The following CSMD1 variants were observed in gnomAD, a reference collection of about 807,000 sequenced individuals.
The protein encoded by CSMD1 is CUB and Sushi multiple domains 1.
A neutral mutation model predicts 417.5 loss-of-function variants in CSMD1; 213 were observed. The observed-to-expected ratio is 0.51, with a 90% CI of 0.46 to 0.57. CSMD1 has a LOEUF of 0.57. Ranked by LOEUF, CSMD1 falls within the 20% of genes least tolerant of loss-of-function variation. The pLI is 0.00. For synonymous variants in CSMD1, 2,862 were observed against 1,736.8 expected (o/e 1.65, Z -16.11); for missense variants, 6,923 against 4,529.7 (o/e 1.53, Z -15.17).
chr8:4,823,631 T>C (rs944566976), intron 1 of CSMD1, among the ~76,000 whole-genome samples: 1 of 152,020 alleles, frequency 6.6e-6, no homozygotes, highest in Admixed American at 6.6e-5. Context: ...CTACTACACA[T>C]AGCCTTTAGA....
intron 7 of CSMD1, among the ~76,000 whole-genome samples, chr8:3,706,017 G>A (rs1224853056): frequency 6.6e-6 from 1 of 152,232 alleles, no homozygotes; most frequent in Admixed American, 6.5e-5. Context: ...GATTCATGAG[G>A]TGCTGAAGAG....
chr8:4,419,443 A>G (rs1435881378), intron 3 of CSMD1, among the ~76,000 whole-genome samples: 1 of 152,198 alleles, frequency 6.6e-6, no homozygotes, highest in Non-Finnish European at 1.5e-5. Context: ...ATCTAGGCAC[A>G]AAATCTGAAG....
intron 1 of CSMD1, among the ~76,000 whole-genome samples, chr8:4,772,896 T>C (rs988274909): frequency 6.6e-6 from 1 of 152,188 alleles, no homozygotes; most frequent in Non-Finnish European, 1.5e-5. Context: ...TAATGATGAA[T>C]AACGTAAGAA....
chr8:3,644,989 A>G (rs1216650876), intron 7 of CSMD1, among the ~76,000 whole-genome samples: 1 of 151,500 alleles, frequency 6.6e-6, no homozygotes, highest in South Asian at 2.1e-4. Context: ...AAAAAAAAAA[A>G]AAGTCAATTG....
At chr8:4,443,660 G>C (rs989494158) in intron 2 of CSMD1, among the ~76,000 whole-genome samples, 1 of 152,158 alleles carries the variant, frequency 6.6e-6, no homozygotes, top group Non-Finnish European at 1.5e-5. Context: ...TGCAGTTAAA[G>C]AAATAGCATT....
chr8:2,979,291 C>G (rs1318180478), intron 54 of CSMD1, among the ~76,000 whole-genome samples: 1 of 152,224 alleles, frequency 6.6e-6, no homozygotes, highest in African/African-American at 2.4e-5. Flanking sequence ...CTAAAAATGA[C>G]AATTATTCCA....
chr8:4,783,418 C>T (rs1489379333), intron 1 of CSMD1, among the ~76,000 whole-genome samples: 1 of 152,206 alleles, frequency 6.6e-6, no homozygotes, highest in Non-Finnish European at 1.5e-5. Context: ...ACTCCTCACT[C>T]TCAATTCAGT....
intron 4 of CSMD1, among the ~76,000 whole-genome samples, chr8:4,029,839 G>A (rs894471693): frequency 1.3e-5 from 2 of 152,180 alleles, no homozygotes; most frequent in East Asian, 3.9e-4. Flanking sequence ...TTACTTCCTA[G>A]ACAAATGCAG....
At chr8:4,887,453 G>A (rs1229063059) in intron 1 of CSMD1, among the ~76,000 whole-genome samples, 1 of 151,922 alleles carries the variant, frequency 6.6e-6, no homozygotes, top group East Asian at 1.9e-4. Context: ...TTTTCACTTG[G>A]CTACTTTTAC....
At chr8:4,841,926 A>AAAAAACAAAAAAC (rs1800862564) in intron 1 of CSMD1, among the ~76,000 whole-genome samples, 1 of 142,062 alleles carries the variant, frequency 7.0e-6, no homozygotes, top group African/African-American at 2.7e-5. Context: ...AAAAAAAAAA[A>AAAAAACAAAAAAC]AAAAAAAAAA....
chr8:4,581,712 C>T (rs536255820), intron 2 of CSMD1, among the ~76,000 whole-genome samples: 34 of 152,304 alleles, frequency 2.2e-4, no homozygotes, highest in Non-Finnish European at 4.3e-4. Context: ...TCGGTTTTAA[C>T]AGCTTCCAGA....
At position 3,932,587 on chromosome 8, in the gene CSMD1, T is replaced by C. The variant is rs1462670522; in HGVS notation, c.818+65316A>G. Among the ~76,000 whole-genome samples the C allele has an allele frequency of 2.0e-5, 3 of 150,554 alleles. 1 individual carries two copies. Among genetic ancestry groups the C allele is most frequent in the African/African-American group, 7.4e-5 (3 of 40,806 alleles). Reference sequence around the variant, plus strand: ...GCAGTCTAATTAGTACTGTGGCTAGTTAAAAATCCACAAACAGTATCATAT... The same window carrying C: ...GCAGTCTAATTAGTACTGTGGCTAGCTAAAAATCCACAAACAGTATCATAT... On this transcript the variant is annotated intron_variant, in intron 5 of 69. Transcript: ENST00000635120.
chr8:3,966,460 T>C (rs1030659972), intron 5 of CSMD1, among the ~76,000 whole-genome samples: 2 of 152,168 alleles, frequency 1.3e-5, no homozygotes, highest in East Asian at 1.9e-4. Context: ...TTTTTATAGA[T>C]ATATGTTTCC....
chr8:4,133,364 T>A (rs1429046116), intron 3 of CSMD1, among the ~76,000 whole-genome samples: 1 of 152,206 alleles, frequency 6.6e-6, no homozygotes, highest in Admixed American at 6.5e-5. Flanking sequence ...TCACAAAGCT[T>A]AATAAAGTGA....
At chr8:4,023,739 G>A (rs1256839611) in intron 4 of CSMD1, among the ~76,000 whole-genome samples, 6 of 139,104 alleles carry the variant, frequency 4.3e-5, no homozygotes, top group East Asian at 2.1e-4. Flanking sequence ...AGCGCCCACC[G>A]CTACGCTCGG....
chr8:4,860,237 A>G (rs929381464), intron 1 of CSMD1, among the ~76,000 whole-genome samples: 1 of 123,384 alleles, frequency 8.1e-6, no homozygotes, highest in Non-Finnish European at 1.6e-5. Context: ...CAGGAAGGGG[A>G]ATATCACACT....
chr8:3,394,121 C>T (rs1247369179), intron 17 of CSMD1, among the ~76,000 whole-genome samples: 2 of 139,492 alleles, frequency 1.4e-5, no homozygotes, highest in African/African-American at 5.2e-5. Context: ...GGAAGAATGC[C>T]TTACGAAGCC....
chr8:4,332,089 T>C (rs890901216), intron 3 of CSMD1, among the ~76,000 whole-genome samples: 1 of 152,174 alleles, frequency 6.6e-6, no homozygotes, highest in Non-Finnish European at 1.5e-5. Context: ...CATCTATTTT[T>C]AATTTTGCCA....
At chr8:3,829,137 G>C (rs1414958530) in intron 5 of CSMD1, among the ~76,000 whole-genome samples, 1 of 152,024 alleles carries the variant, frequency 6.6e-6, no homozygotes, top group Admixed American at 6.6e-5. Context: ...CACCCAAGCA[G>C]TGTACACTGC....
Sources: allele counts gnomAD v4.1 joint callset (sites outside exome capture counted in the v4.1 genomes callset), GRCh38; gene constraint gnomAD v4.1.1; transcripts MANE v1.5; gene names NCBI Gene and HGNC (gene_info 2026-07-23, HGNC 2026-07-21).